The following PRKCA variants were observed in gnomAD, a reference collection of about 807,000 sequenced individuals.
PRKCA encodes the protein protein kinase C alpha, also known as protein kinase C alpha type.
A neutral mutation model predicts 87.0 loss-of-function variants in PRKCA; 27 were observed. The ratio of observed to expected loss-of-function variants is 0.31; its 90% CI spans 0.23 to 0.43. The LOEUF is 0.43. Among genes scored for constraint, PRKCA ranks in the 20% least tolerant of loss-of-function variants. The probability of loss-of-function intolerance (pLI) is 1.00; values close to 1 mark genes in which losing one functional copy is unlikely to be tolerated. For missense variants in PRKCA, 518 were observed against 852.3 expected (o/e 0.61, Z 4.88); for synonymous variants, 329 against 311.1 (o/e 1.06, Z -0.61).
intron 3 of PRKCA, among the ~76,000 whole-genome samples, chr17:66,501,508 C>G (rs1916730517): frequency 6.6e-6 from 1 of 152,198 alleles, no homozygotes; most frequent in Admixed American, 6.5e-5. Flanking sequence ...TGAGCTCATT[C>G]CCTGGTACTG....
chr17:66,520,178 G>A (rs1967111471), intron 3 of PRKCA, among the ~76,000 whole-genome samples: 1 of 148,874 alleles, frequency 6.7e-6, no homozygotes, highest in Admixed American at 6.7e-5. Context: ...CCAGGCTGGA[G>A]TGCAATAGTG....
At chr17:66,574,721 T>TA (rs1969180111) in intron 3 of PRKCA, among the ~76,000 whole-genome samples, 20 of 119,768 alleles carry the variant, frequency 1.7e-4, no homozygotes, top group Non-Finnish European at 2.6e-4. Flanking sequence ...TATTCCAAAA[T>TA]CAAAAAAAAA....
intron 14 of PRKCA, among the ~76,000 whole-genome samples, chr17:66,784,144 C>G (rs568431459): frequency 6.6e-6 from 1 of 152,224 alleles, no homozygotes; most frequent in Admixed American, 6.5e-5. Context: ...GCCTCTGCCC[C>G]GCTCCCTGCC....
intron 3 of PRKCA, among the ~76,000 whole-genome samples, chr17:66,506,844 G>A (rs562337270): frequency 3.9e-5 from 6 of 152,200 alleles, no homozygotes; most frequent in East Asian, 1.9e-4. Context: ...TTTTCTGACC[G>A]ATCCAAGTGA....
At chr17:66,757,571 G>GAA (rs35540620) in intron 13 of PRKCA, among the ~76,000 whole-genome samples, 7 of 116,976 alleles carry the variant, frequency 6.0e-5, no homozygotes, top group Non-Finnish European at 7.3e-5. Flanking sequence ...GCTTTGGGAG[G>GAA]AAAAAAAAAA....
intron 2 of PRKCA, among the ~76,000 whole-genome samples, chr17:66,451,783 G>A (rs781512286): frequency 4.6e-5 from 7 of 152,182 alleles, no homozygotes; most frequent in Non-Finnish European, 7.3e-5. Context: ...GCCAGCCACA[G>A]CTCCTGAGTC....
chr17:66,699,989 G>C lies in PRKCA; in HGVS notation c.918+10942G>C, dbSNP rs985718963. 2.0e-5 allele frequency among the ~76,000 whole-genome samples: 3 copies of C among 152,218 alleles called. No individual in the cohort carries two copies. The East Asian group carries it at 5.8e-4, about 29-fold the overall frequency. On this transcript the variant is annotated intron_variant, in intron 8 of 16. Transcript: ENST00000413366. Reference sequence around the variant, plus strand: ...CAGCATGGCCCTGATACCAAATCCAGGCAAGGACATGACAAGAAAATAAAA... The same window carrying C: ...CAGCATGGCCCTGATACCAAATCCACGCAAGGACATGACAAGAAAATAAAA...
At chr17:66,644,204 A>G (rs1424418978) in intron 4 of PRKCA, among the ~76,000 whole-genome samples, 2 of 152,244 alleles carry the variant, frequency 1.3e-5, no homozygotes, top group Non-Finnish European at 2.9e-5. Flanking sequence ...GAATTAGCTA[A>G]TTGTTCTTTC....
At chr17:66,437,892 A>G (rs550120170) in intron 2 of PRKCA, among the ~76,000 whole-genome samples, 2 of 151,998 alleles carry the variant, frequency 1.3e-5, no homozygotes, top group African/African-American at 4.8e-5. Flanking sequence ...ACTTATGTCT[A>G]TAAATACCTT....
At chr17:66,779,440 G>A (rs1030182028) in intron 14 of PRKCA, among the ~76,000 whole-genome samples, 24 of 151,570 alleles carry the variant, frequency 1.6e-4, no homozygotes, top group Admixed American at 1.6e-3. Context: ...AAAGGGACCA[G>A]CCCTCTCCTT....
At position 66,627,300 on chromosome 17, in the gene PRKCA, C is replaced by T. The variant is rs574923914; in HGVS notation, c.289-14055C>T. ...GGAAGTCTCTGATGCTGTCCTGGGGCGTGGGGGTTGGGGGGAATGTATCAA... is the reference window on the plus strand; with the variant it reads ...GGAAGTCTCTGATGCTGTCCTGGGGTGTGGGGGTTGGGGGGAATGTATCAA... On this transcript the variant is annotated intron_variant, in intron 3 of 16. Transcript: ENST00000413366. Among the ~76,000 whole-genome samples, 89 of 151,666 alleles carry T rather than the reference C, an allele frequency of 5.9e-4. 1 individual carries two copies. The South Asian group carries it at 0.018, about 31-fold the overall frequency.
At chr17:66,355,664 A>G (rs1908003698) in intron 2 of PRKCA, among the ~76,000 whole-genome samples, 2 of 152,144 alleles carry the variant, frequency 1.3e-5, no homozygotes, top group African/African-American at 4.8e-5. Flanking sequence ...ATGGAGGAAG[A>G]TTTTTGCACA....
At chr17:66,751,149 C>T (rs879492516) in intron 13 of PRKCA, among the ~76,000 whole-genome samples, 1 of 152,172 alleles carries the variant, frequency 6.6e-6, no homozygotes, top group African/African-American at 2.4e-5. Context: ...ATTGCCCAGG[C>T]GATGGCAGGA....
At chr17:66,732,914 AT>A (rs1276711425) in intron 9 of PRKCA, 89 bp downstream of exon 9, 3 of 1,464,080 alleles carry the variant, frequency 2.0e-6, no homozygotes, top group Non-Finnish European at 2.8e-6. Context: ...AGAATAGCAC[AT>A]TAGATTTCCC....
intron 3 of PRKCA, among the ~76,000 whole-genome samples, chr17:66,513,393 T>C (rs1349400365): frequency 6.6e-6 from 1 of 152,242 alleles, no homozygotes; most frequent in Non-Finnish European, 1.5e-5. Context: ...TGTGTTCTTC[T>C]TAATCTTAAT....
chr17:66,383,252 T>C (rs898530748), intron 2 of PRKCA, among the ~76,000 whole-genome samples: 3 of 152,198 alleles, frequency 2.0e-5, no homozygotes, highest in Non-Finnish European at 4.4e-5. Context: ...TTTTTCTAAG[T>C]GGTGAATTTT....
intron 2 of PRKCA, among the ~76,000 whole-genome samples, chr17:66,480,398 T>G (rs895256793): frequency 2.0e-5 from 3 of 152,182 alleles, no homozygotes; most frequent in African/African-American, 7.2e-5. Context: ...TATGGCTTCT[T>G]TTTGAATTGT....
chr17:66,537,329 A>G (rs1027589911), intron 3 of PRKCA, among the ~76,000 whole-genome samples: 1 of 152,216 alleles, frequency 6.6e-6, no homozygotes, highest in Non-Finnish European at 1.5e-5. Flanking sequence ...TTGAGAAAGT[A>G]CAAAATTTTG....
intron 2 of PRKCA, among the ~76,000 whole-genome samples, chr17:66,482,380 T>C (rs972404049): frequency 6.6e-6 from 1 of 152,190 alleles, no homozygotes; most frequent in African/African-American, 2.4e-5. Flanking sequence ...TGCTCACCCC[T>C]TCCAGTGCCC....
Sources: gnomAD v4.1 joint callset for allele counts (sites outside exome capture counted in the v4.1 genomes callset) on GRCh38, gnomAD v4.1.1 for gene constraint, MANE v1.5 for transcripts, NCBI Gene and HGNC (gene_info 2026-07-23, HGNC 2026-07-21) for gene names.